Variants in OTUD3 observed in about 807,000 individuals in gnomAD.
OTUD3 encodes OTU domain-containing protein 3.
A neutral mutation model predicts 46.2 loss-of-function variants in OTUD3; 24 were observed. The ratio of observed to expected loss-of-function variants is 0.52; its 90% confidence interval spans 0.38 to 0.73. OTUD3 has a LOEUF of 0.73. Ranked by LOEUF, OTUD3 falls within the 30% of genes least tolerant of loss-of-function variation. The probability of loss-of-function intolerance (pLI) is 0.00; values close to 1 mark genes in which losing one functional copy is unlikely to be tolerated. For synonymous variants in OTUD3, 189 were observed against 195.4 expected (o/e 0.97, Z 0.27); for missense variants, 455 against 523.3 (o/e 0.87, Z 1.27).
Position 19,897,710 on chromosome 1 carries a change from CAG to C in OTUD3, c.606+50_606+51del. The C allele has an allele frequency of 1.9e-6, 3 of 1,590,664 alleles. 1 individual carries two copies. The South Asian group carries it at 3.4e-5, about 18-fold the overall frequency. ...CCCGTATTCCCCGCCCTACAGGAAA[CAG>C]ATTGAGAGCTGTATATCTGGCGCTA... On this transcript the variant is annotated intron_variant, in intron 4 of 7. Transcript: ENST00000375120.
At chr1:19,887,472 A>G (rs10916664) in intron 1 of OTUD3, among the ~76,000 whole-genome samples, 81,865 of 152,038 alleles carry the variant, frequency 0.54, 22,608 homozygotes, top group African/African-American at 0.63. Context: ...GCCACATCAG[A>G]TGCTCAGTAG....
chr1:19,892,415 C>T (rs1426534110), intron 2 of OTUD3, among the ~76,000 whole-genome samples: 10 of 152,046 alleles, frequency 6.6e-5, no homozygotes, highest in South Asian at 4.2e-4. Context: ...CTTTGTTTTG[C>T]GGTGTGGCAG....
At chr1:19,895,132 C>T (rs112455178) in intron 3 of OTUD3, among the ~76,000 whole-genome samples, 8,790 of 152,258 alleles carry the variant, frequency 0.058, 396 homozygotes, top group Admixed American at 0.11. Context: ...TTTTAAAACA[C>T]ATACACACAT....
At chr1:19,892,188 C>A (rs114111449) in intron 2 of OTUD3, among the ~76,000 whole-genome samples, 3 of 152,276 alleles carry the variant, frequency 2.0e-5, no homozygotes, top group African/African-American at 7.2e-5. Context: ...TTGCTTGGAG[C>A]TGCTTAAGAA....
rs191461759 is a variant in OTUD3 at position 19,909,430 on chromosome 1, C to T, written c.*1684C>T. 8.0e-4 allele frequency: 122 copies of T among 152,438 alleles called. No homozygotes were observed. Among genetic ancestry groups the T allele is most frequent in the African/African-American group, 2.7e-3 (112 of 41,568 alleles). The allele number at this position is 152,438 out of a possible 1,614,324, so 9.4% of individuals were successfully genotyped here. On this transcript the variant is annotated 3_prime_UTR_variant, in exon 8 of 8. Coordinates refer to ENST00000375120, the MANE Select transcript of OTUD3 (RefSeq NM_015207.2). ...CACAGCATTTTTTTTCTGTGCACGT[C>T]GCAGAGTCCTGAGCTTGAGGCTGTG...
intron 6 of OTUD3, 71 bp from the exon 7 acceptor site, chr1:19,906,361 A>G: frequency 7.4e-7 from 1 of 1,347,242 alleles, no homozygotes; most frequent in South Asian, 1.7e-5. Flanking sequence ...TAATTTTGGA[A>G]TCATTAATAC....
chr1:19,892,945 A>G (rs1177594527), intron 2 of OTUD3, among the ~76,000 whole-genome samples: 2 of 151,198 alleles, frequency 1.3e-5, no homozygotes, highest in African/African-American at 4.9e-5. Context: ...TCCCCCCAAC[A>G]TTTTCTCACT....
At chr1:19,889,284 C>T (rs2045414970) in intron 1 of OTUD3, among the ~76,000 whole-genome samples, 1 of 147,928 alleles carries the variant, frequency 6.8e-6, no homozygotes, top group Non-Finnish European at 1.5e-5. Context: ...ATTCTCCCCT[C>T]CCCTGCAAAA....
chr1:19,905,080 T>G, intron 6 of OTUD3, 93 bp downstream of exon 6: 1 of 728,492 alleles, frequency 1.4e-6, no homozygotes, highest in East Asian at 2.5e-5. Context: ...AGGTGGTAAC[T>G]GTTCTGTCAT....
intron 1 of OTUD3, among the ~76,000 whole-genome samples, chr1:19,886,136 G>C (rs1179261180): frequency 6.6e-6 from 1 of 152,154 alleles, no homozygotes; most frequent in Admixed American, 6.5e-5. Flanking sequence ...AAGCAAGAAA[G>C]AAATAGTTTA....
At chr1:19,897,899 A>T in intron 4 of OTUD3, 1 of 306,688 alleles carries the variant, frequency 3.3e-6, no homozygotes, top group Non-Finnish European at 5.9e-6. Context: ...TGTGTATAAG[A>T]TACATGGAAT....
chr1:19,888,717 A>C (rs2045405887), intron 1 of OTUD3, among the ~76,000 whole-genome samples: 1 of 152,156 alleles, frequency 6.6e-6, no homozygotes, highest in Admixed American at 6.5e-5. Flanking sequence ...GAGTTGTGAG[A>C]CACAACATGT....
chr1:19,887,389 T>C (rs1159340933), intron 1 of OTUD3, among the ~76,000 whole-genome samples: 1 of 152,152 alleles, frequency 6.6e-6, no homozygotes, highest in African/African-American at 2.4e-5. Context: ...CGGCTGATGA[T>C]CTCTCATATT....
intron 4 of OTUD3, among the ~76,000 whole-genome samples, chr1:19,901,670 G>A (rs1371076591): frequency 6.6e-6 from 1 of 152,146 alleles, no homozygotes; most frequent in Non-Finnish European, 1.5e-5. Flanking sequence ...CCATTAAGCA[G>A]TGACTCCCAA....
In OTUD3 at chr1:19,882,415, C is replaced by G; in HGVS notation, c.-99C>G. ...CGGTTGCTGCGTAGTCGTCGCCGGG[C>G]TCCGTTGCCCGCGCTGTTTTACCTT... On this transcript the variant is annotated 5_prime_UTR_variant, in exon 1 of 8. Transcript: ENST00000375120. 7.7e-7 allele frequency: 1 copy of G among 1,299,368 alleles called. No homozygotes were observed. The allele number at this position is 1,299,368 out of a possible 1,614,324, so 80.5% of individuals were successfully genotyped here. A position where few individuals can be genotyped will look rare whatever the true frequency, so the allele number is the denominator to read the frequency against.
intron 4 of OTUD3, among the ~76,000 whole-genome samples, chr1:19,898,312 T>C (rs1356400659): frequency 1.3e-5 from 2 of 152,192 alleles, no homozygotes; most frequent in African/African-American, 2.4e-5. Context: ...ATAAAAAGCA[T>C]GTAAAGTCAA....
At chr1:19,887,070 C>A (rs1367296518) in intron 1 of OTUD3, among the ~76,000 whole-genome samples, 3 of 138,688 alleles carry the variant, frequency 2.2e-5, no homozygotes, top group Admixed American at 7.6e-5. Flanking sequence ...CTCATATTTT[C>A]TTTTTCTTTT....
rs1358121990 is a variant in OTUD3 at position 19,912,654 on chromosome 1, G to C, written c.*4908G>C. 6.6e-6 allele frequency: 1 copy of C among 152,350 alleles called. No individual in the cohort carries two copies. Among genetic ancestry groups the C allele is most frequent in the Non-Finnish European group, 1.5e-5 (1 of 68,050 alleles). 9.4% of individuals were successfully genotyped at this position (152,350 alleles called of 1,614,324 possible). On this transcript the variant is annotated 3_prime_UTR_variant, in exon 8 of 8. Coordinates refer to ENST00000375120, the MANE Select transcript of OTUD3 (RefSeq NM_015207.2). ...CATGGGGTCGTGATCCATAGACTTAGCAAGTCTTGCCTTATCTATGGAGCT... is the reference window on the plus strand; with the variant it reads ...CATGGGGTCGTGATCCATAGACTTACCAAGTCTTGCCTTATCTATGGAGCT...
intron 1 of OTUD3, among the ~76,000 whole-genome samples, chr1:19,888,616 G>A (rs2045404275): frequency 6.6e-6 from 1 of 152,184 alleles, no homozygotes; most frequent in South Asian, 2.1e-4. Flanking sequence ...CGAGAGCCAC[G>A]TTATTTGGAC....
Sources: allele counts gnomAD v4.1 joint callset (sites outside exome capture counted in the v4.1 genomes callset), GRCh38; gene constraint gnomAD v4.1.1; transcripts MANE v1.5; gene names NCBI Gene and HGNC (gene_info 2026-07-23, HGNC 2026-07-21).